The following CADPS2 variants were observed in gnomAD, a reference collection of about 807,000 sequenced individuals.
CADPS2 encodes calcium-dependent secretion activator 2.
A neutral mutation model predicts 172.5 loss-of-function variants in CADPS2; 93 were observed. That is an observed-to-expected ratio of 0.54 (90% CI 0.46 to 0.64). The LOEUF (loss-of-function observed/expected upper bound fraction) is 0.64, where lower values mean the gene tolerates loss of function less well. Ranked by LOEUF, CADPS2 falls within the 30% of genes least tolerant of loss-of-function variation. The pLI is 0.00. For synonymous variants in CADPS2, 546 were observed against 555.2 expected (o/e 0.98, Z 0.23); for missense variants, 1,420 against 1,565.9 (o/e 0.91, Z 1.57).
intron 1 of CADPS2, among the ~76,000 whole-genome samples, chr7:122,774,079 T>C (rs1306731905): frequency 6.6e-6 from 1 of 152,068 alleles, no homozygotes; most frequent in Admixed American, 6.6e-5. Flanking sequence ...GCAAGCATTT[T>C]AGATTTTAAA....
chr7:122,797,012 A>T (rs1796514393), intron 1 of CADPS2, among the ~76,000 whole-genome samples: 1 of 152,056 alleles, frequency 6.6e-6, no homozygotes, highest in African/African-American at 2.4e-5. Flanking sequence ...TAAATTTACA[A>T]GAAAAAAAAA....
In CADPS2 at chr7:122,615,094, C is replaced by T. The variant is rs908674146; in HGVS notation, c.1223+87G>A. ...AGCAGTTTTAGAGGGTAATACCACA[C>T]ATTTATGCACATAAACAGAGCATGT... On this transcript the variant is annotated intron_variant, in intron 6 of 29. Coordinates refer to ENST00000449022, the MANE Select transcript of CADPS2 (RefSeq NM_017954.11). The T allele has an allele frequency of 8.2e-6, 6 of 734,696 alleles. No individual in the cohort carries two copies. The African/African-American group carries it at 1.1e-4, about 13-fold the overall frequency. 45.5% of individuals were successfully genotyped at this position (734,696 alleles called of 1,614,324 possible).
chr7:122,501,000 A>C (rs983581310), intron 9 of CADPS2, among the ~76,000 whole-genome samples: 4 of 152,206 alleles, frequency 2.6e-5, no homozygotes, highest in Non-Finnish European at 5.9e-5. Context: ...TGTACCTGGA[A>C]TCCCAGCACT....
chr7:122,550,699 T>A (rs767486649), intron 8 of CADPS2, among the ~76,000 whole-genome samples: 6 of 152,190 alleles, frequency 3.9e-5, no homozygotes, highest in Non-Finnish European at 5.9e-5. Context: ...TACTGTTACT[T>A]AGCCACTAGG....
At chr7:122,370,586 GACAC>G (rs936423614) in intron 25 of CADPS2, among the ~76,000 whole-genome samples, 17 of 152,274 alleles carry the variant, frequency 1.1e-4, no homozygotes, top group South Asian at 4.1e-4. Flanking sequence ...AGGATTCAGA[GACAC>G]ACACATAACC....
At chr7:122,628,561 A>G (rs1370696059) in intron 4 of CADPS2, among the ~76,000 whole-genome samples, 1 of 151,812 alleles carries the variant, frequency 6.6e-6, no homozygotes, top group Non-Finnish European at 1.5e-5. Flanking sequence ...GTCCATTGAA[A>G]AGAACTAAAA....
At chr7:122,537,700 AAAT>A (rs1201841813) in intron 8 of CADPS2, among the ~76,000 whole-genome samples, 5 of 151,904 alleles carry the variant, frequency 3.3e-5, no homozygotes, top group Non-Finnish European at 7.4e-5. Flanking sequence ...AGAAGAAAGG[AAAT>A]AATGAAGATT....
intron 11 of CADPS2, among the ~76,000 whole-genome samples, chr7:122,488,833 T>C (rs537002161): frequency 2.7e-4 from 41 of 152,210 alleles, no homozygotes; most frequent in Non-Finnish European, 5.3e-4. Flanking sequence ...AAATTTAAGA[T>C]ATGTTCAATT....
At chr7:122,874,361 C>A (rs1820645246) in intron 1 of CADPS2, among the ~76,000 whole-genome samples, 1 of 152,086 alleles carries the variant, frequency 6.6e-6, no homozygotes, top group African/African-American at 2.4e-5. Context: ...GAACTACAAA[C>A]CACTGCTCAA....
intron 1 of CADPS2, among the ~76,000 whole-genome samples, chr7:122,744,276 T>C (rs1254429364): frequency 6.6e-6 from 1 of 151,998 alleles, no homozygotes; most frequent in East Asian, 1.9e-4. Context: ...CACCACAGAG[T>C]GGAGCAGCAC....
At chr7:122,817,440 C>G (rs968711821) in intron 1 of CADPS2, among the ~76,000 whole-genome samples, 1 of 152,126 alleles carries the variant, frequency 6.6e-6, no homozygotes. Flanking sequence ...CTTTCATTTT[C>G]TGGGAGAGAC....
At chr7:122,625,487 C>T (rs1056944314) in intron 4 of CADPS2, among the ~76,000 whole-genome samples, 1 of 152,116 alleles carries the variant, frequency 6.6e-6, no homozygotes, top group African/African-American at 2.4e-5. Context: ...ATCGGATCAC[C>T]CTCCTACATC....
chr7:122,381,517 T>C (rs911880647), intron 24 of CADPS2, among the ~76,000 whole-genome samples: 5 of 152,146 alleles, frequency 3.3e-5, no homozygotes, highest in African/African-American at 9.7e-5. Flanking sequence ...AGAAAGCTAT[T>C]GTATATAAAA....
chr7:122,640,835 G>A (rs1435003106), intron 3 of CADPS2, among the ~76,000 whole-genome samples: 1 of 151,768 alleles, frequency 6.6e-6, no homozygotes, highest in Non-Finnish European at 1.5e-5. Flanking sequence ...TCTGGAGGCT[G>A]AGGCAGAAGA....
At position 122,663,428 on chromosome 7, in the gene CADPS2, C is replaced by G. The variant is rs767661047; in HGVS notation, c.595G>C (p.Val199Leu). Residue 199 changes from valine to leucine, a missense_variant, in exon 3 of 30, where the codon GTG (valine) becomes CTG (leucine). Physicochemically the swap from Val to Leu is conservative, Grantham distance 32 (BLOSUM62 1). Coordinates refer to ENST00000449022, the MANE Select transcript of CADPS2 (RefSeq NM_017954.11). ...TATTTGGCTATCCATGAGCTCAACA[C>G]TGTCTCTTTGCTCAAGCCATCTATT... ...PEIDGLSKET[V>L]LSSWIAKYDA... is the part of the protein sequence containing the mutation. 4.3e-6 allele frequency: 7 copies of G among 1,613,996 alleles called. No homozygotes were observed. Among genetic ancestry groups the G allele is most frequent in the Non-Finnish European group, 5.1e-6 (6 of 1,179,882 alleles).
intron 8 of CADPS2, among the ~76,000 whole-genome samples, chr7:122,546,343 T>C (rs1026266371): frequency 6.6e-5 from 10 of 152,156 alleles, no homozygotes; most frequent in African/African-American, 2.4e-4. Context: ...GTTATGATTA[T>C]ATAGAGAGGA....
intron 14 of CADPS2, among the ~76,000 whole-genome samples, chr7:122,465,821 T>C (rs2055060945): frequency 6.6e-6 from 1 of 152,164 alleles, no homozygotes; most frequent in Non-Finnish European, 1.5e-5. Context: ...GTGGCTACAG[T>C]AACCTAGATA....
intron 7 of CADPS2, among the ~76,000 whole-genome samples, chr7:122,571,603 A>G (rs1234460180): frequency 1.3e-5 from 2 of 152,152 alleles, no homozygotes; most frequent in Non-Finnish European, 2.9e-5. Flanking sequence ...GTAGAAACCC[A>G]TAACACTTCA....
At chr7:122,852,658 T>C (rs1309429894) in intron 1 of CADPS2, among the ~76,000 whole-genome samples, 1 of 152,078 alleles carries the variant, frequency 6.6e-6, no homozygotes, top group African/African-American at 2.4e-5. Flanking sequence ...ATGCTGGCAG[T>C]TCCACGAACA....
Sources: allele counts gnomAD v4.1 joint callset (sites outside exome capture counted in the v4.1 genomes callset), GRCh38; gene constraint gnomAD v4.1.1; transcripts MANE v1.5; gene names NCBI Gene and HGNC (gene_info 2026-07-23, HGNC 2026-07-21).